The following SORCS1 variants were observed in gnomAD, a reference collection of about 807,000 sequenced individuals.
The protein encoded by SORCS1 is VPS10 domain-containing receptor SorCS1.
Under a neutral mutation model 146.1 loss-of-function variants are expected in SORCS1, and 60 were observed. The ratio of observed to expected loss-of-function variants is 0.41; its 90% CI spans 0.33 to 0.51. The LOEUF (loss-of-function observed/expected upper bound fraction) is 0.51. Ranked by LOEUF, SORCS1 falls within the 20% of genes least tolerant of loss-of-function variation. The probability of loss-of-function intolerance (pLI) is 0.21; values close to 1 mark genes in which losing one functional copy is unlikely to be tolerated. For missense variants in SORCS1, 1,352 were observed against 1,487.6 expected (o/e 0.91, Z 1.50); for synonymous variants, 637 against 584.0 (o/e 1.09, Z -1.31).
intron 1 of SORCS1, among the ~76,000 whole-genome samples, chr10:107,125,490 G>A (rs748206210): frequency 5.3e-5 from 8 of 152,262 alleles, no homozygotes; most frequent in Non-Finnish European, 1.0e-4. Flanking sequence ...ATATTCACTC[G>A]GTCACTACTC....
intron 1 of SORCS1, among the ~76,000 whole-genome samples, chr10:107,125,852 T>A (rs1480618540): frequency 6.6e-6 from 1 of 152,166 alleles, no homozygotes; most frequent in African/African-American, 2.4e-5. Context: ...TCAGAAGAGG[T>A]AATTGACCAC....
At chr10:106,870,976 T>C (rs1950387445) in intron 2 of SORCS1, among the ~76,000 whole-genome samples, 1 of 152,176 alleles carries the variant, frequency 6.6e-6, no homozygotes, top group Non-Finnish European at 1.5e-5. Flanking sequence ...CTAATATCCA[T>C]TATCTATAAG....
intron 2 of SORCS1, among the ~76,000 whole-genome samples, chr10:106,830,251 C>G (rs1948482373): frequency 6.6e-6 from 1 of 152,186 alleles, no homozygotes; most frequent in African/African-American, 2.4e-5. Flanking sequence ...GACATGACTT[C>G]TCGACACTGA....
intron 1 of SORCS1, among the ~76,000 whole-genome samples, chr10:106,989,205 G>A (rs1266927857): frequency 7.4e-6 from 1 of 135,648 alleles, no homozygotes; most frequent in Non-Finnish European, 1.5e-5. Flanking sequence ...AGGAGGCAGA[G>A]AATGAGGTGA....
chr10:106,645,301 T>G (rs1849348264), intron 18 of SORCS1, among the ~76,000 whole-genome samples: 1 of 152,084 alleles, frequency 6.6e-6, no homozygotes, highest in African/African-American at 2.4e-5. Context: ...CCCAAGTAGC[T>G]GGGACTACGG....
chr10:106,775,527 A>G (rs1432798015), intron 4 of SORCS1, among the ~76,000 whole-genome samples: 1 of 152,220 alleles, frequency 6.6e-6, no homozygotes, highest in Non-Finnish European at 1.5e-5. Context: ...TGCTCATACC[A>G]TTCTCCTACC....
At chr10:106,648,761 C>A (rs1849640091) in intron 18 of SORCS1, among the ~76,000 whole-genome samples, 1 of 152,034 alleles carries the variant, frequency 6.6e-6, no homozygotes, top group South Asian at 2.1e-4. Context: ...AGGGCTCCAC[C>A]CCTGGGCCCC....
intron 17 of SORCS1, among the ~76,000 whole-genome samples, chr10:106,659,107 A>T (rs1343086610): frequency 6.6e-6 from 1 of 152,214 alleles, no homozygotes; most frequent in Non-Finnish European, 1.5e-5. Flanking sequence ...CAGCCATAGC[A>T]TCAGCAATCA....
intron 1 of SORCS1, among the ~76,000 whole-genome samples, chr10:107,032,708 C>G (rs1360038639): frequency 6.6e-6 from 1 of 152,088 alleles, no homozygotes; most frequent in Admixed American, 6.6e-5. Flanking sequence ...CATCTAATGC[C>G]GCAGGGAAAT....
intron 1 of SORCS1, among the ~76,000 whole-genome samples, chr10:107,014,300 G>A (rs1487658922): frequency 1.3e-5 from 2 of 150,318 alleles, no homozygotes; most frequent in African/African-American, 2.5e-5. Context: ...GAGAGAGAGA[G>A]AGAGAAAGAA....
intron 2 of SORCS1, among the ~76,000 whole-genome samples, chr10:106,906,947 A>G (rs528219721): frequency 2.3e-4 from 35 of 152,334 alleles, no homozygotes; most frequent in Non-Finnish European, 4.3e-4. Flanking sequence ...TCCAGACACA[A>G]TAAAGGTATT....
intron 9 of SORCS1, among the ~76,000 whole-genome samples, chr10:106,690,943 C>T (rs567671867): frequency 1.6e-4 from 24 of 152,200 alleles, no homozygotes; most frequent in African/African-American, 5.3e-4. Flanking sequence ...TCTCATCCTA[C>T]GTTTCTTGGA....
chr10:106,809,473 A>G (rs1411016284), intron 3 of SORCS1, among the ~76,000 whole-genome samples: 2 of 151,890 alleles, frequency 1.3e-5, no homozygotes, highest in Non-Finnish European at 2.9e-5. Flanking sequence ...GTACAATTCC[A>G]CTCATCACGG....
At chr10:106,994,255 G>A (rs1956903339) in intron 1 of SORCS1, among the ~76,000 whole-genome samples, 1 of 151,994 alleles carries the variant, frequency 6.6e-6, no homozygotes, top group African/African-American at 2.4e-5. Context: ...TTTTTGGGGG[G>A]TCAGCTCTTT....
intron 1 of SORCS1, among the ~76,000 whole-genome samples, chr10:107,041,959 A>G (rs1045597994): frequency 2.0e-5 from 3 of 152,204 alleles, no homozygotes; most frequent in Non-Finnish European, 2.9e-5. Context: ...TCTTAAATTA[A>G]AAATTCTTGT....
intron 3 of SORCS1, among the ~76,000 whole-genome samples, chr10:106,786,892 T>C (rs1457575325): frequency 6.6e-6 from 1 of 152,156 alleles, no homozygotes; most frequent in African/African-American, 2.4e-5. Context: ...ACCTTAAACT[T>C]TTGAAGGCTG....
intron 5 of SORCS1, among the ~76,000 whole-genome samples, chr10:106,736,534 C>T (rs987369253): frequency 6.7e-6 from 1 of 149,992 alleles, no homozygotes; most frequent in African/African-American, 2.5e-5. Flanking sequence ...CTCCTACAGT[C>T]AAGGGTTTCC....
At chr10:106,681,105 G>A (rs1736447026) in intron 10 of SORCS1, among the ~76,000 whole-genome samples, 1 of 152,172 alleles carries the variant, frequency 6.6e-6, no homozygotes, top group Admixed American at 6.6e-5. Flanking sequence ...AAAGAAGACA[G>A]CCCCTATTAG....
At chr10:106,897,463 A>G (rs1446072122) in intron 2 of SORCS1, among the ~76,000 whole-genome samples, 1 of 152,158 alleles carries the variant, frequency 6.6e-6, no homozygotes, top group Non-Finnish European at 1.5e-5. Flanking sequence ...TACATTAAAA[A>G]AAAGATATAC....
Sources: allele counts gnomAD v4.1 joint callset (sites outside exome capture counted in the v4.1 genomes callset), GRCh38; gene constraint gnomAD v4.1.1; transcripts MANE v1.5; gene names NCBI Gene and HGNC (gene_info 2026-07-23, HGNC 2026-07-21).